The following ACOT7 variants were observed in gnomAD, a reference collection of about 807,000 sequenced individuals.
ACOT7 encodes acyl-CoA thioesterase 7, also known as cytosolic acyl coenzyme A thioester hydrolase.
Under a neutral mutation model 40.2 loss-of-function variants are expected in ACOT7, and 12 were observed. The observed-to-expected ratio is 0.30, with a 90% CI of 0.19 to 0.48. ACOT7 has a LOEUF of 0.48. Among genes scored for constraint, ACOT7 ranks in the 20% least tolerant of loss-of-function variants. ACOT7 has a pLI of 0.99. For synonymous variants in ACOT7, 228 were observed against 219.5 expected (o/e 1.04, Z -0.34); for missense variants, 395 against 530.8 (o/e 0.74, Z 2.51).
At chr1:6,307,810 GGAGGGAACTGTGACCGGGCA>G (rs1640200829) in intron 6 of ACOT7, among the ~76,000 whole-genome samples, 1 of 148,628 alleles carries the variant, frequency 6.7e-6, no homozygotes, top group African/African-American at 2.5e-5. Context: ...AGCCACAGGT[GGAGGGAACTGTGACCGGGCA>G]GAGGGAACTA....
chr1:6,389,085 T>C (rs1342831530), intron 1 of ACOT7, among the ~76,000 whole-genome samples: 1 of 151,928 alleles, frequency 6.6e-6, no homozygotes, highest in Non-Finnish European at 1.5e-5. Context: ...CCTCTTTGTC[T>C]TTTCCCTTGG....
intron 6 of ACOT7, 73 bp downstream of exon 6, chr1:6,318,419 G>A (rs1291205434): frequency 1.1e-5 from 16 of 1,495,862 alleles, no homozygotes; most frequent in African/African-American, 1.4e-5. Flanking sequence ...GTGTCAGACA[G>A]CAGCACGGCT....
At chr1:6,346,650 C>T (rs926219964) in intron 2 of ACOT7, among the ~76,000 whole-genome samples, 1 of 152,242 alleles carries the variant, frequency 6.6e-6, no homozygotes, top group African/African-American at 2.4e-5. Context: ...TGTGCCCTGA[C>T]TCCACATCTC....
At chr1:6,308,581 C>T (rs944701817) in intron 6 of ACOT7, among the ~76,000 whole-genome samples, 1 of 143,604 alleles carries the variant, frequency 7.0e-6, no homozygotes, top group African/African-American at 2.6e-5. Context: ...CCAGAGGGAA[C>T]TACAACTGGG....
intron 1 of ACOT7, among the ~76,000 whole-genome samples, chr1:6,381,950 C>A (rs1318637374): frequency 6.7e-6 from 1 of 149,504 alleles, no homozygotes; most frequent in African/African-American, 2.5e-5. Flanking sequence ...CTGGCTAACA[C>A]GGTGAAACCC....
chr1:6,285,029 T>C (rs925965556), intron 7 of ACOT7, among the ~76,000 whole-genome samples: 2 of 152,224 alleles, frequency 1.3e-5, no homozygotes, highest in Non-Finnish European at 2.9e-5. Context: ...CCCATTTGCA[T>C]TGGCACACTT....
At chr1:6,364,100 C>T (rs965878800) in intron 1 of ACOT7, among the ~76,000 whole-genome samples, 3 of 152,140 alleles carry the variant, frequency 2.0e-5, no homozygotes, top group Non-Finnish European at 4.4e-5. Flanking sequence ...ACCTGTAATC[C>T]CACCACTTTG....
intron 1 of ACOT7, among the ~76,000 whole-genome samples, chr1:6,356,322 G>A (rs919308932): frequency 6.6e-6 from 1 of 152,120 alleles, no homozygotes; most frequent in African/African-American, 2.4e-5. Flanking sequence ...ATGCCCGGAG[G>A]TCTCTGATGC....
chr1:6,331,153 A>G (rs1204697870), intron 4 of ACOT7, among the ~76,000 whole-genome samples: 1 of 152,234 alleles, frequency 6.6e-6, no homozygotes, highest in Admixed American at 6.5e-5. Flanking sequence ...ACAGCCCCAC[A>G]AGAACAAGAG....
chr1:6,304,488 C>A (rs1420102349), intron 6 of ACOT7, among the ~76,000 whole-genome samples: 2 of 135,348 alleles, frequency 1.5e-5, no homozygotes, highest in Non-Finnish European at 3.1e-5. Flanking sequence ...GGAAGGTCAG[C>A]AGATAAACAA....
chr1:6,269,751 G>A (rs1045032214), intron 8 of ACOT7, among the ~76,000 whole-genome samples: 2 of 152,256 alleles, frequency 1.3e-5, no homozygotes, highest in Non-Finnish European at 2.9e-5. Context: ...CTGAGAGCCT[G>A]TGAGGGCCCC....
At chr1:6,378,335 C>T (rs1642274957) in intron 1 of ACOT7, among the ~76,000 whole-genome samples, 1 of 151,736 alleles carries the variant, frequency 6.6e-6, no homozygotes, top group Non-Finnish European at 1.5e-5. Flanking sequence ...TGGTCCAGTC[C>T]CCCAGTGATA....
rs188572412 is a variant in ACOT7, at chr1:6,316,868, T to C, written c.712+1624A>G. Among the ~76,000 whole-genome samples the C allele has an allele frequency of 7.9e-5, 12 of 152,240 alleles. No individual in the cohort carries two copies. In the East Asian group the frequency reaches 2.3e-3, roughly 29 times the overall value. ...GAAAGTGATTGGTGCCTCTCACTCA[T>C]GGAGTAAGTATCTGCAAGGTGCCCC... On this transcript the variant is annotated intron_variant, in intron 6 of 8. Transcript: ENST00000361521.
chr1:6,323,525 T>A (rs942499566), intron 5 of ACOT7, among the ~76,000 whole-genome samples: 1 of 151,720 alleles, frequency 6.6e-6, no homozygotes, highest in Non-Finnish European at 1.5e-5. Context: ...CGAGACCAGC[T>A]TGGCCAACAT....
Position 6,306,751 on chromosome 1 carries a change from C to T in ACOT7, c.712+11741G>A. 2 of 1,259,182 alleles carry T rather than the reference C, an allele frequency of 1.6e-6. No homozygotes were observed. The highest frequency in any genetic ancestry group is 2.5e-5 in the Admixed American group (1 of 40,294). 78.0% of individuals were successfully genotyped at this position (1,259,182 alleles called of 1,614,324 possible). On this transcript the variant is annotated intron_variant, in intron 6 of 8. Transcript: ENST00000361521. The surrounding 1 kb of genome is among the most constrained non-coding windows in gnomAD (Gnocchi z 4.3). ...CAGCTCTTCGTCCACCTTTTTCCTT[C>T]CTTGCCCCAACACTGAGGGTCTGGT...
intron 8 of ACOT7, among the ~76,000 whole-genome samples, chr1:6,273,144 C>T (rs528349467): frequency 5.3e-5 from 8 of 152,350 alleles, no homozygotes; most frequent in Middle Eastern, 3.4e-3. Context: ...CTACCAGTGC[C>T]GCTCAGAAGG....
At chr1:6,345,537 G>A (rs549780669) in intron 2 of ACOT7, among the ~76,000 whole-genome samples, 98 of 152,344 alleles carry the variant, frequency 6.4e-4, no homozygotes, top group Non-Finnish European at 1.1e-3. Context: ...GGAAGAACTC[G>A]GTGCTTAGGA....
At chr1:6,267,774 G>A (rs1638895345) in intron 8 of ACOT7, among the ~76,000 whole-genome samples, 1 of 152,234 alleles carries the variant, frequency 6.6e-6, no homozygotes, top group African/African-American at 2.4e-5. Context: ...CAACCATGCT[G>A]TGTGCCCTTC....
chr1:6,373,724 G>A (rs1343779188), intron 1 of ACOT7, among the ~76,000 whole-genome samples: 3 of 152,040 alleles, frequency 2.0e-5, no homozygotes, highest in African/African-American at 7.2e-5. Context: ...AATTAGCTGG[G>A]CACAGTGGCA....
Sources: allele counts gnomAD v4.1 joint callset (sites outside exome capture counted in the v4.1 genomes callset), GRCh38; gene constraint gnomAD v4.1.1; non-coding constraint Gnocchi (gnomAD v3.1); transcripts MANE v1.5; gene names NCBI Gene and HGNC (gene_info 2026-07-23, HGNC 2026-07-21).